The following FSTL5 variants were observed in gnomAD, a reference collection of about 807,000 sequenced individuals.
FSTL5 encodes the protein follistatin like 5, also known as follistatin-related protein 5.
In FSTL5, 62 loss-of-function variants were observed where a neutral mutation model predicts 89.1. The ratio of observed to expected loss-of-function variants is 0.70; its 90% CI spans 0.57 to 0.86. The LOEUF is 0.86. FSTL5 is among the 40% of genes least tolerant of loss of function. The probability of loss-of-function intolerance (pLI) is 0.00; values close to 1 mark genes in which losing one functional copy is unlikely to be tolerated. For missense variants in FSTL5, 1,057 were observed against 1,001.6 expected, an observed-to-expected ratio of 1.06 and a Z score of -0.75; for synonymous variants, 383 against 346.2, an observed-to-expected ratio of 1.11 and a Z score of -1.18.
At chr4:161,949,295 C>T (rs1000295687) in intron 3 of FSTL5, among the ~76,000 whole-genome samples, 1 of 152,154 alleles carries the variant, frequency 6.6e-6, no homozygotes, top group Non-Finnish European at 1.5e-5. Flanking sequence ...CCATATCCTT[C>T]ACTCAATCAC....
At chr4:161,668,204 A>C (rs1736966009) in intron 6 of FSTL5, among the ~76,000 whole-genome samples, 1 of 152,188 alleles carries the variant, frequency 6.6e-6, no homozygotes, top group African/African-American at 2.4e-5. Context: ...TACAGATCCC[A>C]TAGACATTTA....
intron 6 of FSTL5, among the ~76,000 whole-genome samples, chr4:161,657,004 G>A (rs1045829271): frequency 6.6e-6 from 1 of 152,182 alleles, no homozygotes; most frequent in Non-Finnish European, 1.5e-5. Context: ...TGACCAAACA[G>A]CAATTAAGTA....
chr4:162,112,000 C>T (rs1731462448), intron 1 of FSTL5, among the ~76,000 whole-genome samples: 1 of 152,110 alleles, frequency 6.6e-6, no homozygotes, highest in Non-Finnish European at 1.5e-5. Context: ...TTTACAAGCA[C>T]TTTAAACTAA....
rs554620269 is a variant in FSTL5, at chr4:162,033,034, C to T, written c.160+591G>A. Among the ~76,000 whole-genome samples the T allele has an allele frequency of 3.4e-4, 51 of 152,022 alleles. 1 individual carries two copies. Among genetic ancestry groups the T allele is most frequent in the South Asian group, 1.5e-3 (7 of 4,820 alleles). On this transcript the variant is annotated intron_variant, in intron 3 of 15. Coordinates refer to ENST00000306100, the MANE Select transcript of FSTL5 (RefSeq NM_020116.5). Reference sequence around the variant, plus strand: ...ATGCCATCATTATAATCAGCAGAAGCACAAGTTAATGGAAGTCATTTACTG... The same window carrying T: ...ATGCCATCATTATAATCAGCAGAAGTACAAGTTAATGGAAGTCATTTACTG...
intron 7 of FSTL5, among the ~76,000 whole-genome samples, chr4:161,624,672 T>C (rs1241383023): frequency 6.6e-6 from 1 of 151,928 alleles, no homozygotes; most frequent in Non-Finnish European, 1.5e-5. Context: ...CCTTATACTG[T>C]TTGAGAAAAA....
intron 3 of FSTL5, among the ~76,000 whole-genome samples, chr4:162,021,789 T>C (rs1224629411): frequency 6.6e-6 from 1 of 151,924 alleles, no homozygotes; most frequent in African/African-American, 2.4e-5. Flanking sequence ...AGGAGTTTGC[T>C]GGGTAAGAGA....
chr4:161,595,786 T>G lies in FSTL5; in HGVS notation c.895-8211A>C, dbSNP rs757891346. ...TTTTAACCATATTGTTTAGATTGCT[T>G]CAATATAAAAGATATTTCATCTGTT... On this transcript the variant is annotated intron_variant, in intron 7 of 15. Coordinates refer to ENST00000306100, the MANE Select transcript of FSTL5 (RefSeq NM_020116.5). Among the ~76,000 whole-genome samples, 81 of 152,146 alleles carry G rather than the reference T, an allele frequency of 5.3e-4. 1 individual carries two copies. The highest frequency in any genetic ancestry group is 8.5e-4 in the Non-Finnish European group (58 of 67,924).
chr4:162,158,793 T>C lies in FSTL5; in HGVS notation c.-17+4822A>G, dbSNP rs896131207. 2.0e-5 allele frequency among the ~76,000 whole-genome samples: 3 copies of C among 152,102 alleles called. No homozygotes were observed. The East Asian group carries it at 5.8e-4, about 29-fold the overall frequency. On this transcript the variant is annotated intron_variant, in intron 1 of 15. Transcript: ENST00000306100. Reference sequence around the variant, plus strand: ...TATGGCCTGATATCAATAAAATATATATGAATACCTATTAATATTTTGAAT... The same window carrying C: ...TATGGCCTGATATCAATAAAATATACATGAATACCTATTAATATTTTGAAT...
chr4:161,618,936 A>G (rs1351411019), intron 7 of FSTL5, among the ~76,000 whole-genome samples: 1 of 152,236 alleles, frequency 6.6e-6, no homozygotes, highest in South Asian at 2.1e-4. Context: ...CTGACTTCAA[A>G]CTATACTATA....
At chr4:161,675,637 G>T (rs1373865415) in intron 6 of FSTL5, among the ~76,000 whole-genome samples, 1 of 151,552 alleles carries the variant, frequency 6.6e-6, no homozygotes, top group Non-Finnish European at 1.5e-5. Context: ...TAAAATTCTA[G>T]TTAGACAAGA....
chr4:162,057,799 T>C (rs1578993151), intron 2 of FSTL5, among the ~76,000 whole-genome samples: 1 of 151,324 alleles, frequency 6.6e-6, no homozygotes, highest in Non-Finnish European at 1.5e-5. Flanking sequence ...CAAAAATTAG[T>C]CGGGTGTGGT....
At chr4:162,019,213 TAA>T (rs1737000404) in intron 3 of FSTL5, among the ~76,000 whole-genome samples, 1 of 152,084 alleles carries the variant, frequency 6.6e-6, no homozygotes, top group Non-Finnish European at 1.5e-5. Flanking sequence ...GCTTAACAAA[TAA>T]AAATAATTTG....
intron 4 of FSTL5, among the ~76,000 whole-genome samples, chr4:161,833,941 T>C (rs1032016198): frequency 1.3e-5 from 2 of 152,134 alleles, no homozygotes; most frequent in Non-Finnish European, 2.9e-5. Context: ...TAGCTGGTTA[T>C]TTTGCTCGTT....
intron 4 of FSTL5, among the ~76,000 whole-genome samples, chr4:161,806,943 G>T (rs951892854): frequency 6.6e-6 from 1 of 151,974 alleles, no homozygotes; most frequent in Non-Finnish European, 1.5e-5. Flanking sequence ...AACCATAGTA[G>T]ACCTATTAAC....
At chr4:161,629,225 A>T (rs929746138) in intron 7 of FSTL5, among the ~76,000 whole-genome samples, 1 of 152,218 alleles carries the variant, frequency 6.6e-6, no homozygotes, top group Non-Finnish European at 1.5e-5. Flanking sequence ...ATACTACTCT[A>T]ACTCCAGCTC....
At chr4:162,157,126 G>T (rs1467749669) in intron 1 of FSTL5, among the ~76,000 whole-genome samples, 1 of 151,980 alleles carries the variant, frequency 6.6e-6, no homozygotes, top group Non-Finnish European at 1.5e-5. Context: ...GGACAGTCTG[G>T]GTCAAGGTAA....
chr4:161,858,717 C>A (rs779217057), intron 4 of FSTL5, among the ~76,000 whole-genome samples: 4 of 152,100 alleles, frequency 2.6e-5, no homozygotes, highest in Non-Finnish European at 5.9e-5. Flanking sequence ...AATACATGAC[C>A]ATGTCTTTTA....
chr4:161,778,228 T>C (rs985184449), intron 4 of FSTL5, among the ~76,000 whole-genome samples: 1 of 152,200 alleles, frequency 6.6e-6, no homozygotes. Flanking sequence ...AAATGGCATA[T>C]TGAAATGGCA....
At chr4:161,961,493 T>C (rs1204512975) in intron 3 of FSTL5, among the ~76,000 whole-genome samples, 1 of 149,164 alleles carries the variant, frequency 6.7e-6, no homozygotes, top group Non-Finnish European at 1.5e-5. Flanking sequence ...AGTAATCAAA[T>C]AATGTTATAT....
Sources: allele counts gnomAD v4.1 joint callset (sites outside exome capture counted in the v4.1 genomes callset), GRCh38; gene constraint gnomAD v4.1.1; transcripts MANE v1.5; gene names NCBI Gene and HGNC (gene_info 2026-07-23, HGNC 2026-07-21).